The following MSL1 variants were observed in gnomAD, a reference collection of about 807,000 sequenced individuals.
MSL1 encodes the protein MSL complex subunit 1.
A neutral mutation model predicts 64.6 loss-of-function variants in MSL1; 21 were observed. The ratio of observed to expected loss-of-function variants is 0.33; its 90% CI spans 0.23 to 0.47. The LOEUF (loss-of-function observed/expected upper bound fraction) is 0.47. Ranked by LOEUF, MSL1 falls within the 20% of genes least tolerant of loss-of-function variation. MSL1 has a pLI of 1.00. For missense variants in MSL1, 664 were observed against 793.2 expected (o/e 0.84, Z 1.96); for synonymous variants, 339 against 329.6 (o/e 1.03, Z -0.31).
Position 40,133,676 on chromosome 17 carries a change from A to G in MSL1, c.1681+18A>G, listed in dbSNP as rs753638444. The G allele has an allele frequency of 5.6e-6, 9 of 1,612,302 alleles. No individual in the cohort carries two copies. The African/African-American group carries it at 8.0e-5, about 14-fold the overall frequency. ...AGATGATGGTAAGTTGTGTCCATCT[A>G]AAAGAGTAGGTTTTTGAAAGAAGGA... On this transcript the variant is annotated intron_variant, in intron 7 of 8. Transcript: ENST00000398532.
chr17:40,122,071 G>A lies in MSL1; in HGVS notation c.-542G>A, dbSNP rs899181146. On this transcript the variant is annotated 5_prime_UTR_variant, in exon 1 of 9. Transcript: ENST00000398532. The surrounding 1 kb of genome is among the most constrained non-coding windows in gnomAD (Gnocchi z 4.2). Reference sequence around the variant, plus strand: ...GGCGCCGGGGGTGACTGTGGGGGAGGGGGACCCCGAGCCGCGGAGACCCCC... The same window carrying A: ...GGCGCCGGGGGTGACTGTGGGGGAGAGGGACCCCGAGCCGCGGAGACCCCC... 6.6e-6 allele frequency among the ~76,000 whole-genome samples: 1 copy of A among 151,436 alleles called. No individual in the cohort carries two copies. The highest frequency in any genetic ancestry group is 3.2e-3 in the Middle Eastern group (1 of 316).
chr17:40,126,055 T>G (rs1988306234), intron 1 of MSL1, 128 bp from the exon 2 acceptor site: 1 of 748,346 alleles, frequency 1.3e-6, no homozygotes, highest in Non-Finnish European at 2.2e-6. Context: ...GTCTGCCTAT[T>G]TAAAAAGTTG....
chr17:40,133,244 AGTTG>A, intron 6 of MSL1, 135 bp downstream of exon 6: 1 of 861,632 alleles, frequency 1.2e-6, no homozygotes, highest in Non-Finnish European at 1.8e-6. Flanking sequence ...CTGGCTTCCC[AGTTG>A]GTTGAATATC....
chr17:40,129,461 C>T lies in MSL1; in HGVS notation c.1209C>T (p.Pro403=), dbSNP rs779700162. Residue 403 remains proline, a synonymous_variant, in exon 3 of 9, where the codon CCC becomes CCT. Coordinates refer to ENST00000398532, the MANE Select transcript of MSL1 (RefSeq NM_001365919.1). The part of the protein sequence containing the change: ...SVDTPPRLST[P]QKGPSTHPKE... The stretch of plus-strand genomic sequence containing the variant: ...ACACCCCACCAAGACTCTCCACTCC[C>T]CAAAAGGGACCCAGCACCCATCCCA... 2.5e-6 allele frequency: 4 copies of T among 1,613,872 alleles called. No individual in the cohort carries two copies. Among genetic ancestry groups the T allele is most frequent in the South Asian group, 2.2e-5 (2 of 91,068 alleles).
chr17:40,129,305 T>A lies in MSL1; in HGVS notation c.1053T>A (p.Phe351Leu), dbSNP rs1313410576. 1 of 1,582,610 alleles carries A rather than the reference T, an allele frequency of 6.3e-7. No homozygotes were observed. Among genetic ancestry groups the A allele is most frequent in the Non-Finnish European group, 8.5e-7 (1 of 1,171,884 alleles). ...CTGTTAAAAAGCTGGCTCCTGAATT[T>A]TCAAAAGTCAAAACAAAAACTCCTA... ...KTPVKKLAPE[F>L]SKVKTKTPKH... The change falls in exon 3 of 9, where the codon TTT becomes TTA. Residue 351 changes from phenylalanine (F) to leucine (L), a missense_variant. Coordinates refer to ENST00000398532, the MANE Select transcript of MSL1 (RefSeq NM_001365919.1).
intron 5 of MSL1, 122 bp downstream of exon 5, chr17:40,132,220 G>A (rs941566013): frequency 2.9e-6 from 2 of 683,872 alleles, no homozygotes; most frequent in Non-Finnish European, 4.9e-6. Flanking sequence ...ACAGAAACTT[G>A]AGAAATTATC....
chr17:40,132,870 G>A (rs759022524), intron 5 of MSL1, among the ~76,000 whole-genome samples, 172 bp from the exon 6 acceptor site: 5 of 152,154 alleles, frequency 3.3e-5, no homozygotes, highest in Admixed American at 1.3e-4. Context: ...AGGAGTATGT[G>A]TTTTGTTGAT....
chr17:40,126,485 T>C, intron 2 of MSL1, 79 bp downstream of exon 2: 1 of 1,331,814 alleles, frequency 7.5e-7, no homozygotes, highest in Middle Eastern at 2.5e-4. Context: ...TGAATTGGTT[T>C]TATAGCAATC....
rs1158741096 is a variant in MSL1 at position 40,134,419 on chromosome 17, G to A, written c.*50G>A. On this transcript the variant is annotated 3_prime_UTR_variant, in exon 9 of 9. Coordinates refer to ENST00000398532, the MANE Select transcript of MSL1 (RefSeq NM_001365919.1). ...CAGATAGTTGTAGCATGCCATTCCC[G>A]AGAGTGGCAGAGACCTGTATATGTG... The A allele has an allele frequency of 1.7e-5, 25 of 1,445,524 alleles. No individual in the cohort carries two copies. Among genetic ancestry groups the A allele is most frequent in the Non-Finnish European group, 2.2e-5 (23 of 1,050,152 alleles). 89.5% of individuals were successfully genotyped at this position (1,445,524 alleles called of 1,614,324 possible). A position where few individuals can be genotyped will look rare whatever the true frequency, so the allele number is the denominator to read the frequency against.
intron 1 of MSL1, 137 bp downstream of exon 1, chr17:40,123,517 C>T (rs1442909219): frequency 6.5e-6 from 5 of 768,562 alleles, no homozygotes; most frequent in African/African-American, 1.8e-5. Flanking sequence ...GTATCTTAGG[C>T]GCTGGGTCTC....
At chr17:40,127,813 A>AAGT (rs1181590296) in intron 2 of MSL1, among the ~76,000 whole-genome samples, 1 of 152,144 alleles carries the variant, frequency 6.6e-6, no homozygotes, top group Non-Finnish European at 1.5e-5. Flanking sequence ...GTGAAACTTT[A>AAGT]AGTAGAAATC....
At position 40,122,328 on chromosome 17, in the gene MSL1, G is replaced by T; in HGVS notation, c.-285G>T. On this transcript the variant is annotated 5_prime_UTR_variant, in exon 1 of 9. Transcript: ENST00000398532. This position sits in a 1 kb window ranked among gnomAD's most constrained non-coding sequence, Gnocchi z 4.2. ...CCGGGGATGAGCTCGGGGGCGGCTG[G>T]GTGCGAGCTCCTGCCTCTGAGGCGA... The T allele has an allele frequency of 5.3e-6, 1 of 188,196 alleles. No homozygotes were observed. The highest frequency in any genetic ancestry group is 1.7e-4 in the South Asian group (1 of 5,938). 11.7% of individuals were successfully genotyped at this position (188,196 alleles called of 1,614,324 possible).
At chr17:40,127,174 C>G (rs1988336944) in intron 2 of MSL1, among the ~76,000 whole-genome samples, 1 of 151,676 alleles carries the variant, frequency 6.6e-6, no homozygotes, top group South Asian at 2.1e-4. Flanking sequence ...TGAGACCAGC[C>G]TGGGCAACAT....
rs1291955522 is a variant in MSL1 at position 40,123,397 on chromosome 17, T to A, written c.768+17T>A. On this transcript the variant is annotated intron_variant, in intron 1 of 8. Coordinates refer to ENST00000398532, the MANE Select transcript of MSL1 (RefSeq NM_001365919.1). ...AGAGACACGGTACGGGAGGGGTTAA[T>A]CTGCATTCGGGCCGAGGAGCGAGTT... The A allele has an allele frequency of 4.6e-6, 7 of 1,533,966 alleles. No homozygotes were observed. The highest frequency in any genetic ancestry group is 4.4e-6 in the Non-Finnish European group (5 of 1,145,936).
rs1598413364 is a variant in MSL1, at chr17:40,133,476, G to A, written c.1557-58G>A. 2.6e-6 allele frequency: 4 copies of A among 1,564,044 alleles called. No homozygotes were observed. In the East Asian group the frequency reaches 9.2e-5, roughly 36 times the overall value. ...TTGTGTGAGTTGCTTTTATAGAGCA[G>A]GTTTTGGGTAAACAGTAATGTTGGG... On this transcript the variant is annotated intron_variant, in intron 6 of 8. Transcript: ENST00000398532.
intron 2 of MSL1, among the ~76,000 whole-genome samples, chr17:40,127,890 C>T (rs529473184): frequency 1.4e-4 from 21 of 152,230 alleles, no homozygotes; most frequent in African/African-American, 3.6e-4. Context: ...TTTGGGAGGC[C>T]GAGGCGGGTG....
At chr17:40,125,242 A>G (rs543930848) in intron 1 of MSL1, among the ~76,000 whole-genome samples, 51 of 152,360 alleles carry the variant, frequency 3.3e-4, no homozygotes, top group African/African-American at 1.2e-3. Context: ...TTAGATGAAT[A>G]GGTATAATTT....
Position 40,129,401 on chromosome 17 carries a change from C to G in MSL1, c.1149C>G (p.Ser383Arg). The G allele has an allele frequency of 6.2e-7, 1 of 1,613,582 alleles. No individual in the cohort carries two copies. Among genetic ancestry groups the G allele is most frequent in the Non-Finnish European group, 8.5e-7 (1 of 1,179,804 alleles). Residue 383 changes from serine (S) to arginine (R), a missense_variant, in exon 3 of 9, where the codon AGC becomes AGG. This residue lies in a region of MSL1 where 119 missense variants were observed against 164.3 expected (regional missense o/e 0.72). Coordinates refer to ENST00000398532, the MANE Select transcript of MSL1 (RefSeq NM_001365919.1). ...CTGTTTGTAAACGTGAATTGAGGAG[C>G]CAAGAAACCCCAGAAAAGCCCCGGT... ...SETVCKRELR[S>R]QETPEKPRSS...
Position 40,126,124 on chromosome 17 carries a change from G to A in MSL1, c.769-59G>A, listed in dbSNP as rs77801410. 2,353 of 1,482,890 alleles carry A rather than the reference G, an allele frequency of 1.6e-3. 32 individuals carry two copies. The African/African-American group carries it at 0.029, about 19-fold the overall frequency. The allele number at this position is 1,482,890 out of a possible 1,614,324, so 91.9% of individuals were successfully genotyped here. A position where few individuals can be genotyped will look rare whatever the true frequency, so the allele number is the denominator to read the frequency against. On this transcript the variant is annotated intron_variant, in intron 1 of 8. Coordinates refer to ENST00000398532, the MANE Select transcript of MSL1 (RefSeq NM_001365919.1). ...TATACTGATTCCTAAATGGGGCTAAGTATCTGTGTGTTTAATTTTTTATGT... is the reference window on the plus strand; with the variant it reads ...TATACTGATTCCTAAATGGGGCTAAATATCTGTGTGTTTAATTTTTTATGT...
Sources: gnomAD v4.1 joint callset for allele counts (sites outside exome capture counted in the v4.1 genomes callset) on GRCh38, gnomAD v4.1.1 for gene constraint, gnomAD v4.1.1 regional missense constraint, Gnocchi (gnomAD v3.1) non-coding constraint, MANE v1.5 for transcripts, NCBI Gene and HGNC (gene_info 2026-07-23, HGNC 2026-07-21) for gene names.